The following SGCZ variants were observed in gnomAD, a reference collection of about 807,000 sequenced individuals.
The protein encoded by SGCZ is zeta-sarcoglycan.
SGCZ carries 40 observed loss-of-function variants against 41.3 expected under a neutral mutation model. The ratio of observed to expected loss-of-function variants is 0.97; its 90% CI spans 0.75 to 1.26. The LOEUF is 1.26. SGCZ is among the 50% of genes most tolerant of loss of function. The pLI is 0.00. For synonymous variants in SGCZ, 206 were observed against 137.5 expected (o/e 1.50, Z -3.49); for missense variants, 552 against 369.8 (o/e 1.49, Z -4.04).
At chr8:14,818,108 T>C (rs1386537574) in intron 1 of SGCZ, among the ~76,000 whole-genome samples, 2 of 152,102 alleles carry the variant, frequency 1.3e-5, no homozygotes, top group African/African-American at 4.8e-5. Context: ...ACCTCCAATC[T>C]TGCAGTGACC....
At chr8:14,414,030 T>A (rs1227379488) in intron 2 of SGCZ, among the ~76,000 whole-genome samples, 1 of 152,008 alleles carries the variant, frequency 6.6e-6, no homozygotes, top group Non-Finnish European at 1.5e-5. Flanking sequence ...AATAACATTA[T>A]TTGAATTTAT....
intron 2 of SGCZ, among the ~76,000 whole-genome samples, chr8:14,348,849 A>T (rs1014991424): frequency 6.6e-6 from 1 of 152,140 alleles, no homozygotes; most frequent in Non-Finnish European, 1.5e-5. Context: ...TCATTTTCTA[A>T]ACTTTACAAA....
intron 4 of SGCZ, among the ~76,000 whole-genome samples, chr8:14,213,143 A>T (rs1478782566): frequency 1.4e-4 from 22 of 152,188 alleles, no homozygotes; most frequent in Non-Finnish European, 1.5e-5. Flanking sequence ...GATAAAAAAT[A>T]TTCAAGGAAA....
At chr8:14,432,180 G>C (rs1411975376) in intron 2 of SGCZ, among the ~76,000 whole-genome samples, 1 of 152,140 alleles carries the variant, frequency 6.6e-6, no homozygotes, top group African/African-American at 2.4e-5. Context: ...CCACTACTGG[G>C]TATCTACCCA....
intron 2 of SGCZ, among the ~76,000 whole-genome samples, chr8:14,553,054 A>G (rs1040396190): frequency 6.6e-6 from 1 of 152,052 alleles, no homozygotes; most frequent in Non-Finnish European, 1.5e-5. Flanking sequence ...TGTTTTCAGC[A>G]ACTGATAGTC....
At chr8:15,092,897 A>T (rs1806204077) in intron 1 of SGCZ, among the ~76,000 whole-genome samples, 1 of 152,192 alleles carries the variant, frequency 6.6e-6, no homozygotes, top group Non-Finnish European at 1.5e-5. Context: ...TACTACTAAC[A>T]GGAAAACAGA....
At chr8:14,822,866 C>T (rs1230950782) in intron 1 of SGCZ, among the ~76,000 whole-genome samples, 1 of 151,988 alleles carries the variant, frequency 6.6e-6, no homozygotes, top group African/African-American at 2.4e-5. Flanking sequence ...CCAGCGTGTG[C>T]AACATTGTGA....
Position 14,635,240 on chromosome 8 carries a change from G to A in SGCZ, c.40-80314C>T, listed in dbSNP as rs116432098. Among the ~76,000 whole-genome samples, 1,330 of 151,768 alleles carry A rather than the reference G, an allele frequency of 8.8e-3. 18 individuals carry two copies. The highest frequency in any genetic ancestry group is 0.03 in the African/African-American group (1,263 of 41,422). On this transcript the variant is annotated intron_variant, in intron 1 of 7. Coordinates refer to ENST00000382080, the MANE Select transcript of SGCZ (RefSeq NM_139167.4). ...TTTTCTGCTTTAGAAAATAAAAAAT[G>A]TATCTCCATTTCCATTTACTTGCTC...
At chr8:15,081,476 T>C (rs17116291) in intron 1 of SGCZ, among the ~76,000 whole-genome samples, 1,624 of 150,898 alleles carry the variant, frequency 0.011, 32 homozygotes, top group African/African-American at 0.038. Flanking sequence ...ATTTTTGGAA[T>C]TGGCCAGATC....
Position 14,217,016 on chromosome 8 carries a change from G to C in SGCZ, c.424+20576C>G, listed in dbSNP as rs117501227. The stretch of plus-strand genomic sequence containing the variant: ...ATAAAGCTCTATAGAGGATGGGCAC[G>C]GTGGCTCACGCCTGTAATCCCAGCA... On this transcript the variant is annotated intron_variant, in intron 4 of 7. Transcript: ENST00000382080. Among the ~76,000 whole-genome samples, 92 of 152,238 alleles carry C rather than the reference G, an allele frequency of 6.0e-4. 1 individual carries two copies. The East Asian group carries it at 0.017, about 28-fold the overall frequency.
chr8:14,445,076 A>T (rs999545411), intron 2 of SGCZ, among the ~76,000 whole-genome samples: 2 of 152,202 alleles, frequency 1.3e-5, no homozygotes, highest in Non-Finnish European at 2.9e-5. Flanking sequence ...ACTTCAAGAC[A>T]GTTGCTCAGT....
intron 1 of SGCZ, among the ~76,000 whole-genome samples, chr8:14,795,054 G>A (rs1585266333): frequency 6.6e-6 from 1 of 152,074 alleles, no homozygotes; most frequent in East Asian, 1.9e-4. Flanking sequence ...ACAAAGATGA[G>A]AAAATAAACC....
chr8:14,850,981 T>C (rs1284487549), intron 1 of SGCZ, among the ~76,000 whole-genome samples: 2 of 152,148 alleles, frequency 1.3e-5, no homozygotes, highest in Non-Finnish European at 2.9e-5. Context: ...TCTTGGGCAA[T>C]TCTTCATAGC....
chr8:14,576,320 G>A (rs1804710745), intron 1 of SGCZ, among the ~76,000 whole-genome samples: 1 of 152,112 alleles, frequency 6.6e-6, no homozygotes, highest in African/African-American at 2.4e-5. Context: ...CACAATGAAA[G>A]TCTATCCTGA....
intron 5 of SGCZ, among the ~76,000 whole-genome samples, chr8:14,144,680 G>C (rs1803469773): frequency 6.6e-6 from 1 of 151,880 alleles, no homozygotes; most frequent in African/African-American, 2.4e-5. Context: ...CAGGCTCCTG[G>C]AGTCCCCAGC....
chr8:14,714,986 G>C (rs1052257059), intron 1 of SGCZ, among the ~76,000 whole-genome samples: 4 of 152,026 alleles, frequency 2.6e-5, no homozygotes, highest in African/African-American at 9.7e-5. Flanking sequence ...CAAATGCAGT[G>C]GTTTAGCCTT....
intron 1 of SGCZ, among the ~76,000 whole-genome samples, chr8:14,803,044 C>G (rs977851165): frequency 3.9e-5 from 6 of 152,178 alleles, no homozygotes; most frequent in African/African-American, 1.4e-4. Context: ...TCAATCTGAC[C>G]TTTTAAATTT....
intron 2 of SGCZ, among the ~76,000 whole-genome samples, chr8:14,394,142 CCTTTTTTTT>C (rs1349893407): frequency 2.4e-5 from 3 of 125,396 alleles, no homozygotes; most frequent in Non-Finnish European, 4.7e-5. Context: ...CCGCCCCCCA[CCTTTTTTTT>C]TTTTTTTTTT....
At position 14,541,058 on chromosome 8, in the gene SGCZ, A is replaced by G. The variant is rs138344094; in HGVS notation, c.234+13674T>C. On this transcript the variant is annotated intron_variant, in intron 2 of 7. Coordinates refer to ENST00000382080, the MANE Select transcript of SGCZ (RefSeq NM_139167.4). ...TGTATATATAATACATAAGAACATT[A>G]ACATATGTGTATATACAAAAACACA... Among the ~76,000 whole-genome samples, 1,260 of 151,398 alleles carry G rather than the reference A, an allele frequency of 8.3e-3. 21 individuals are homozygous for G. The highest frequency in any genetic ancestry group is 0.028 in the African/African-American group (1,176 of 41,340).
Sources: allele counts gnomAD v4.1 joint callset (sites outside exome capture counted in the v4.1 genomes callset), GRCh38; gene constraint gnomAD v4.1.1; transcripts MANE v1.5; gene names NCBI Gene and HGNC (gene_info 2026-07-23, HGNC 2026-07-21).